The following NAV2 variants were observed in gnomAD, a reference collection of about 807,000 sequenced individuals.
NAV2 encodes the protein neuron navigator 2.
Under a neutral mutation model 223.2 loss-of-function variants are expected in NAV2, and 54 were observed. That is an observed-to-expected ratio of 0.24 (90% CI 0.19 to 0.30). The LOEUF is 0.30. Among genes scored for constraint, NAV2 ranks in the 10% least tolerant of loss-of-function variants. The pLI, the probability that NAV2 is intolerant of heterozygous loss-of-function variation, is 1.00. For synonymous variants in NAV2, 1,279 were observed against 1,239.3 expected, an observed-to-expected ratio of 1.03 and a Z score of -0.67; for missense variants, 2,806 against 3,147.5, an observed-to-expected ratio of 0.89 and a Z score of 2.60.
chr11:19,842,414 A>G (rs1484482541), intron 2 of NAV2, among the ~76,000 whole-genome samples: 31 of 152,126 alleles, frequency 2.0e-4, no homozygotes, highest in Admixed American at 2.0e-3. Flanking sequence ...GGACAAACAA[A>G]AGCAATATTA....
chr11:19,827,949 C>T (rs747880745), intron 1 of NAV2, among the ~76,000 whole-genome samples: 12 of 143,488 alleles, frequency 8.4e-5, no homozygotes, highest in Admixed American at 1.4e-4. Context: ...AGCGGAATCC[C>T]GTCTCTACCA....
At chr11:19,762,920 C>CT (rs1289057386) in intron 1 of NAV2, among the ~76,000 whole-genome samples, 1 of 152,024 alleles carries the variant, frequency 6.6e-6, no homozygotes, top group Non-Finnish European at 1.5e-5. Flanking sequence ...CCAGGGAAGT[C>CT]TTTTTTATTC....
intron 1 of NAV2, among the ~76,000 whole-genome samples, chr11:19,759,090 CTTTTTTT>C (rs55675583): frequency 2.2e-4 from 14 of 63,870 alleles, no homozygotes; most frequent in African/African-American, 7.3e-4. Flanking sequence ...CTGAAAGACA[CTTTTTTT>C]TTTTTTTTTT....
At chr11:19,684,641 T>G (rs1476961188) in intron 1 of NAV2, among the ~76,000 whole-genome samples, 1 of 151,892 alleles carries the variant, frequency 6.6e-6, no homozygotes, top group Non-Finnish European at 1.5e-5. Context: ...CTCACCCACT[T>G]CCAGATCACT....
chr11:19,345,296 G>A, the NAV2 span, among the ~76,000 whole-genome samples: 1 of 152,354 alleles, frequency 6.6e-6, no homozygotes, highest in African/African-American at 2.4e-5. This position sits in a 1 kb window ranked among gnomAD's most constrained non-coding sequence, Gnocchi z 5.2. Context: ...GCTCCGCGAA[G>A]CCGGTGTGGG....
In NAV2 at chr11:19,732,664, C is replaced by G. The variant is rs560732876; in HGVS notation, c.267+18702C>G. Among the ~76,000 whole-genome samples, 13 of 152,328 alleles carry G rather than the reference C, an allele frequency of 8.5e-5. No homozygotes were observed. The South Asian group carries it at 2.7e-3, about 32-fold the overall frequency. On this transcript the variant is annotated intron_variant, in intron 1 of 37. Coordinates refer to ENST00000349880, the MANE Select transcript of NAV2 (RefSeq NM_145117.5). ...TTGGTCACCCAGCCTTCAAGGAACT[C>G]TGCTTCTAGCTTTTGGTTGGACAAT...
At chr11:19,646,590 C>T (rs997309234) in intron 1 of NAV2, among the ~76,000 whole-genome samples, 1 of 152,112 alleles carries the variant, frequency 6.6e-6, no homozygotes, top group Non-Finnish European at 1.5e-5. Context: ...AGAAGAGTTA[C>T]AGTACAGGAT....
chr11:20,114,447 T>C, intron 36 of NAV2, 145 bp from the exon 37 acceptor site: 1 of 727,892 alleles, frequency 1.4e-6, no homozygotes, highest in South Asian at 1.8e-5. Flanking sequence ...CTTGGATGAC[T>C]TCCTGAGCAT....
At chr11:19,570,889 A>T (rs1012852348) in intron 1 of NAV2, among the ~76,000 whole-genome samples, 1 of 152,248 alleles carries the variant, frequency 6.6e-6, no homozygotes, top group South Asian at 2.1e-4. Flanking sequence ...GTATTTCAAA[A>T]AGTTAAACAT....
intron 1 of NAV2, among the ~76,000 whole-genome samples, chr11:19,429,193 G>A (rs1590188821): frequency 6.6e-6 from 1 of 152,226 alleles, no homozygotes; most frequent in Non-Finnish European, 1.5e-5. Context: ...GTTTCCAGGT[G>A]TGTATCCAGC....
At chr11:19,457,542 T>A (rs1851997195) in intron 1 of NAV2, among the ~76,000 whole-genome samples, 10 of 152,154 alleles carry the variant, frequency 6.6e-5, no homozygotes, top group Admixed American at 6.5e-4. Context: ...GAGTTTAGGT[T>A]GAATTTTAAT....
At chr11:19,550,450 C>T (rs2044653586) in intron 1 of NAV2, among the ~76,000 whole-genome samples, 1 of 152,210 alleles carries the variant, frequency 6.6e-6, no homozygotes, top group African/African-American at 2.4e-5. Context: ...TTGACAATTT[C>T]CATTTCGTAG....
chr11:19,663,618 CTT>C (rs2048342926), intron 1 of NAV2, among the ~76,000 whole-genome samples: 1 of 152,210 alleles, frequency 6.6e-6, no homozygotes, highest in Non-Finnish European at 1.5e-5. Context: ...GGCATATTCT[CTT>C]TTTCCAGCTC....
chr11:19,864,199 G>A (rs1232904824), intron 3 of NAV2, among the ~76,000 whole-genome samples: 1 of 152,160 alleles, frequency 6.6e-6, no homozygotes, highest in African/African-American at 2.4e-5. Context: ...TTCCCAAGGG[G>A]CTTGGCAAAA....
At chr11:19,795,587 A>G (rs1364333139) in intron 1 of NAV2, among the ~76,000 whole-genome samples, 5 of 152,270 alleles carry the variant, frequency 3.3e-5, no homozygotes, top group African/African-American at 9.6e-5. Flanking sequence ...CATCTACTGC[A>G]GTTTGTGAAA....
rs1004227749 is a variant in NAV2 at position 19,876,964 on chromosome 11, AATATT to A, written c.512-2904_512-2900del. 7.4e-5 allele frequency among the ~76,000 whole-genome samples: 9 copies of A among 121,374 alleles called. 1 individual carries two copies. Among genetic ancestry groups the A allele is most frequent in the African/African-American group, 2.3e-4 (9 of 38,918 alleles). 79.6% of individuals were successfully genotyped at this position (121,374 alleles called of 152,430 possible). A position where few individuals can be genotyped will look rare whatever the true frequency, so the allele number is the denominator to read the frequency against. ...TTTATATATTTATTTATCAATAAAA[AATATT>A]TATTTATTTAAATAAAGAATACTCA... is the stretch of plus-strand genomic sequence containing the variant. On this transcript the variant is annotated intron_variant, in intron 4 of 37. Coordinates refer to ENST00000349880, the MANE Select transcript of NAV2 (RefSeq NM_145117.5).
chr11:20,071,287 T>C (rs1014689462), intron 22 of NAV2, among the ~76,000 whole-genome samples: 7 of 152,196 alleles, frequency 4.6e-5, no homozygotes, highest in Admixed American at 2.6e-4. Context: ...GAAAAGGACA[T>C]GAACTCATCC....
chr11:20,006,228 G>T (rs1394573959), intron 11 of NAV2, among the ~76,000 whole-genome samples: 2 of 152,170 alleles, frequency 1.3e-5, no homozygotes, highest in African/African-American at 2.4e-5. Flanking sequence ...ATTAGGGTTT[G>T]ATTATAGACA....
rs1428167584 is a variant in NAV2, at chr11:19,905,420, T to TA, written c.931+12832dup. 3.9e-5 allele frequency among the ~76,000 whole-genome samples: 6 copies of TA among 152,302 alleles called. No homozygotes were observed. The East Asian group carries it at 9.6e-4, about 24-fold the overall frequency. On this transcript the variant is annotated intron_variant, in intron 6 of 37. Coordinates refer to ENST00000349880, the MANE Select transcript of NAV2 (RefSeq NM_145117.5). ...AGGAATGTTCATGCAAATTATTTTT[T>TA]AAAAAATCTATTTCACTGACATGCT...
Sources: gnomAD v4.1 joint callset for allele counts (sites outside exome capture counted in the v4.1 genomes callset) on GRCh38, gnomAD v4.1.1 for gene constraint, Gnocchi (gnomAD v3.1) non-coding constraint, MANE v1.5 for transcripts, NCBI Gene and HGNC (gene_info 2026-07-23, HGNC 2026-07-21) for gene names.